The following OSTN variants were observed in gnomAD, a reference collection of about 807,000 sequenced individuals.
The protein encoded by OSTN is osteocrin.
Under a neutral mutation model 12.0 loss-of-function variants are expected in OSTN, and 9 were observed. The observed-to-expected ratio is 0.75, with a 90% CI of 0.45 to 1.30. The LOEUF is 1.30. OSTN is among the 50% of genes most tolerant of loss of function. The pLI, the probability that OSTN is intolerant of heterozygous loss-of-function variation, is 0.00. For missense variants in OSTN, 148 were observed against 152.3 expected (o/e 0.97, Z 0.15); for synonymous variants, 59 against 56.9 (o/e 1.04, Z -0.16).
intron 3 of OSTN, among the ~76,000 whole-genome samples, chr3:191,246,658 G>A (rs917984466): frequency 7.3e-5 from 11 of 150,624 alleles, no homozygotes; most frequent in Admixed American, 2.0e-4. Flanking sequence ...GAAGGGAAAG[G>A]TAAAGGGGAA....
chr3:191,220,694 C>T (rs1266928181), intron 3 of OSTN, among the ~76,000 whole-genome samples: 1 of 151,938 alleles, frequency 6.6e-6, no homozygotes, highest in African/African-American at 2.4e-5. Context: ...ACATCGGCAT[C>T]CAAAGAATAG....
chr3:191,226,076 T>C (rs1203494859), intron 3 of OSTN, among the ~76,000 whole-genome samples: 3 of 152,158 alleles, frequency 2.0e-5, no homozygotes, highest in Non-Finnish European at 4.4e-5. Context: ...TAGTGTGCAG[T>C]ACTTACAAAA....
intron 3 of OSTN, among the ~76,000 whole-genome samples, chr3:191,247,817 T>C (rs1715467154): frequency 6.6e-6 from 1 of 152,190 alleles, no homozygotes; most frequent in African/African-American, 2.4e-5. Context: ...AAATCTCTCA[T>C]ATTCTCCATA....
At chr3:191,223,342 A>G (rs1048247961) in intron 3 of OSTN, among the ~76,000 whole-genome samples, 2 of 152,226 alleles carry the variant, frequency 1.3e-5, no homozygotes, top group Non-Finnish European at 2.9e-5. Flanking sequence ...TACATGAGTT[A>G]CCTTGGGCAA....
At chr3:191,209,264 C>T (rs1448135770) in intron 1 of OSTN, among the ~76,000 whole-genome samples, 1 of 152,142 alleles carries the variant, frequency 6.6e-6, no homozygotes, top group Admixed American at 6.5e-5. Context: ...GAGACATCAG[C>T]AAAATCAGGA....
intron 1 of OSTN, among the ~76,000 whole-genome samples, chr3:191,211,195 T>C (rs1256923740): frequency 6.6e-6 from 1 of 152,234 alleles, no homozygotes; most frequent in African/African-American, 2.4e-5. Context: ...ATATATGATA[T>C]TGCTTTGGGC....
At chr3:191,246,861 C>T (rs113306953) in intron 3 of OSTN, among the ~76,000 whole-genome samples, 2 of 152,184 alleles carry the variant, frequency 1.3e-5, no homozygotes, top group African/African-American at 4.8e-5. Flanking sequence ...CGGTTAAATC[C>T]TTAGATTGCT....
intron 3 of OSTN, among the ~76,000 whole-genome samples, chr3:191,240,557 T>C (rs1560121779): frequency 6.6e-6 from 1 of 152,324 alleles, no homozygotes; most frequent in African/African-American, 2.4e-5. Context: ...ACAATAAACA[T>C]TTTTGTTCTC....
At chr3:191,251,664 C>T (rs1715563430) in intron 4 of OSTN, among the ~76,000 whole-genome samples, 1 of 152,148 alleles carries the variant, frequency 6.6e-6, no homozygotes, top group South Asian at 2.1e-4. Context: ...TTTAATGAAC[C>T]TCTGCAGTTA....
At position 191,219,097 on chromosome 3, in the gene OSTN, C is replaced by T. The variant is rs1576926330; in HGVS notation, c.317+136C>T. The T allele has an allele frequency of 7.6e-6, 6 of 793,154 alleles. No individual in the cohort carries two copies. In the East Asian group the frequency reaches 1.4e-4, roughly 18 times the overall value. The allele number at this position is 793,154 out of a possible 1,614,324, so 49.1% of individuals were successfully genotyped here. A position where few individuals can be genotyped will look rare whatever the true frequency, so the allele number is the denominator to read the frequency against. On this transcript the variant is annotated intron_variant, in intron 3 of 4. Coordinates refer to ENST00000682035, the MANE Select transcript of OSTN (RefSeq NM_198184.2). ...CAGATTTGACGGTATGTTAGCTAATCTGTAGGTTTAATAATACAGTTTTCT... is the reference window on the plus strand; with the variant it reads ...CAGATTTGACGGTATGTTAGCTAATTTGTAGGTTTAATAATACAGTTTTCT...
chr3:191,232,047 G>A (rs1333194770), intron 3 of OSTN, among the ~76,000 whole-genome samples: 1 of 151,878 alleles, frequency 6.6e-6, no homozygotes, highest in Non-Finnish European at 1.5e-5. Context: ...AACAATAGCT[G>A]TGGCTGGGTG....
intron 3 of OSTN, among the ~76,000 whole-genome samples, chr3:191,223,926 G>A (rs1261278998): frequency 6.6e-6 from 1 of 151,932 alleles, no homozygotes; most frequent in Non-Finnish European, 1.5e-5. Context: ...ATACTTTTCT[G>A]TATTTGAGAG....
intron 4 of OSTN, among the ~76,000 whole-genome samples, chr3:191,259,907 C>T (rs536843971): frequency 4.2e-5 from 6 of 142,540 alleles, no homozygotes; most frequent in African/African-American, 1.3e-4. Flanking sequence ...CAGGCTGGAG[C>T]GCAGTGGTAC....
At position 191,249,297 on chromosome 3, in the gene OSTN, A is replaced by G. The variant is rs977558113; in HGVS notation, c.318-740A>G. On this transcript the variant is annotated intron_variant, in intron 3 of 4. Transcript: ENST00000682035. ...TCTTGTTAGGATTTTGGCTTGATAG[A>G]ACTAAGTGATGATAATATTAGCAAA... 7.9e-5 allele frequency among the ~76,000 whole-genome samples: 12 copies of G among 152,312 alleles called. 1 individual carries two copies. The highest frequency in any genetic ancestry group is 1.4e-4 in the African/African-American group (6 of 41,576).
chr3:191,246,407 A>T (rs953825824), intron 3 of OSTN, among the ~76,000 whole-genome samples: 1 of 151,942 alleles, frequency 6.6e-6, no homozygotes, highest in Admixed American at 6.6e-5. Flanking sequence ...GGAGTTTGAG[A>T]CCAGCCTGGC....
intron 4 of OSTN, among the ~76,000 whole-genome samples, chr3:191,252,048 C>T (rs1478870915): frequency 6.6e-6 from 1 of 151,700 alleles, no homozygotes; most frequent in Non-Finnish European, 1.5e-5. Flanking sequence ...ACAGAGAACT[C>T]ATTTTCATAT....
chr3:191,203,951 A>G (rs1714212065), intron 1 of OSTN, among the ~76,000 whole-genome samples: 1 of 152,136 alleles, frequency 6.6e-6, no homozygotes, highest in Non-Finnish European at 1.5e-5. Context: ...GCAATGGCGC[A>G]ATCTCGGCTC....
chr3:191,218,940 T>C lies in OSTN; in HGVS notation c.296T>C (p.Val99Ala). 1 of 1,613,982 alleles carries C rather than the reference T, an allele frequency of 6.2e-7. No individual in the cohort carries two copies. Among genetic ancestry groups the C allele is most frequent in the African/African-American group, 1.3e-5 (1 of 75,042 alleles). ...CTTGACAGACTCTCAGCTGGCTCTG[T>C]AGATCACAAAGGTAAACAGAGGTAA... is the stretch of plus-strand genomic sequence containing the variant. ...SPLDRLSAGS[V>A]DHKGKQRKVV... The change falls in exon 3 of 5, where the codon GTA (valine) becomes GCA (alanine). Residue 99 changes from valine (V) to alanine (A), a missense_variant. By Grantham distance (64) the Val-to-Ala change is moderately conservative. Coordinates refer to ENST00000682035, the MANE Select transcript of OSTN (RefSeq NM_198184.2).
intron 3 of OSTN, among the ~76,000 whole-genome samples, chr3:191,239,352 C>T (rs986651435): frequency 6.6e-6 from 1 of 152,178 alleles, no homozygotes; most frequent in African/African-American, 2.4e-5. Flanking sequence ...ACATACTGGG[C>T]ATGCGCTATG....
Sources: gnomAD v4.1 joint callset for allele counts (sites outside exome capture counted in the v4.1 genomes callset) on GRCh38, gnomAD v4.1.1 for gene constraint, MANE v1.5 for transcripts, NCBI Gene and HGNC (gene_info 2026-07-23, HGNC 2026-07-21) for gene names.